The following PRIM2 variants were observed in gnomAD, a reference collection of about 807,000 sequenced individuals.
PRIM2 encodes DNA primase large subunit.
Under a neutral mutation model 67.3 loss-of-function variants are expected in PRIM2, and 39 were observed. That is an observed-to-expected ratio of 0.58 (90% CI 0.45 to 0.76). The LOEUF is 0.76. Ranked by LOEUF, PRIM2 falls within the 30% of genes least tolerant of loss-of-function variation. The probability of loss-of-function intolerance (pLI) is 0.00; values close to 1 mark genes in which losing one functional copy is unlikely to be tolerated. For synonymous variants in PRIM2, 143 were observed against 198.7 expected (o/e 0.72, Z 2.36); for missense variants, 398 against 598.7 (o/e 0.66, Z 3.50).
chr6:57,256,409 T>C, the PRIM2 span, among the ~76,000 whole-genome samples: 1 of 152,188 alleles, frequency 6.6e-6, no homozygotes, highest in Non-Finnish European at 1.5e-5. Context: ...TAAAAATACT[T>C]TAAATCATTG....
chr6:57,423,582 G>A (rs916543814), intron 7 of PRIM2, among the ~76,000 whole-genome samples: 1 of 152,196 alleles, frequency 6.6e-6, no homozygotes, highest in Non-Finnish European at 1.5e-5. Context: ...AATGTTAGTA[G>A]TTGCTAGGTA....
chr6:57,451,488 G>A (rs1015254137), intron 7 of PRIM2, among the ~76,000 whole-genome samples: 1 of 152,058 alleles, frequency 6.6e-6, no homozygotes, highest in Non-Finnish European at 1.5e-5. Flanking sequence ...ATCTTTATTC[G>A]ATAATTGGAT....
upstream of PRIM2, among the ~76,000 whole-genome samples, chr6:57,312,899 T>A (rs2127263227): frequency 6.6e-6 from 1 of 152,312 alleles, no homozygotes; most frequent in Admixed American, 6.5e-5. Flanking sequence ...ACATTTTTCC[T>A]CCCTATAGAC....
At chr6:57,434,888 A>G (rs1374968129) in intron 7 of PRIM2, 1 of 150,398 alleles carries the variant, frequency 6.6e-6, no homozygotes, top group East Asian at 2.0e-4. Context: ...TGATCCTCCC[A>G]CCCCAGCCTC....
At chr6:57,237,426 C>T in the PRIM2 span, among the ~76,000 whole-genome samples, 3 of 152,114 alleles carry the variant, frequency 2.0e-5, no homozygotes, top group Non-Finnish European at 4.4e-5. Flanking sequence ...TTAATTAGAT[C>T]CCATTTTTCA....
chr6:57,576,821 A>C (rs1468224502), intron 10 of PRIM2, among the ~76,000 whole-genome samples: 1 of 151,246 alleles, frequency 6.6e-6, no homozygotes, highest in East Asian at 1.9e-4. Flanking sequence ...AAGACATCTG[A>C]AAATTCCCCT....
intron 10 of PRIM2, among the ~76,000 whole-genome samples, chr6:57,584,543 G>A (rs1776155346): frequency 2.0e-5 from 3 of 152,188 alleles, no homozygotes; most frequent in African/African-American, 7.2e-5. Flanking sequence ...GGAAATTTGA[G>A]AAAGAAATTC....
At chr6:57,503,727 G>T (rs1554347090) in intron 7 of PRIM2, among the ~76,000 whole-genome samples, 1 of 151,920 alleles carries the variant, frequency 6.6e-6, no homozygotes, top group Non-Finnish European at 1.5e-5. Context: ...CTGCACTCCA[G>T]CCTGGGTGAC....
At chr6:57,602,451 A>C (rs1363622630) in intron 11 of PRIM2, among the ~76,000 whole-genome samples, 1 of 152,180 alleles carries the variant, frequency 6.6e-6, no homozygotes, top group Admixed American at 6.5e-5. Context: ...GTCATATAAA[A>C]TCAGACTTTA....
At chr6:57,349,484 T>C (rs1161031397) in intron 5 of PRIM2, among the ~76,000 whole-genome samples, 1 of 150,734 alleles carries the variant, frequency 6.6e-6, no homozygotes, top group African/African-American at 2.4e-5. Context: ...TATATTTAGT[T>C]ATGGAATTCT....
At chr6:57,513,119 T>C (rs1774404626) in intron 8 of PRIM2, among the ~76,000 whole-genome samples, 1 of 151,632 alleles carries the variant, frequency 6.6e-6, no homozygotes, top group South Asian at 2.1e-4. Flanking sequence ...TGCATATGAT[T>C]AGATATGTAA....
the PRIM2 span, among the ~76,000 whole-genome samples, chr6:57,259,474 G>A: frequency 6.6e-6 from 1 of 152,152 alleles, no homozygotes; most frequent in African/African-American, 2.4e-5. Context: ...AAGTTACAAG[G>A]CTGAGACTAA....
chr6:57,319,000 A>G (rs541147408), intron 2 of PRIM2, among the ~76,000 whole-genome samples: 6 of 152,354 alleles, frequency 3.9e-5, no homozygotes, highest in African/African-American at 1.4e-4. Flanking sequence ...ACTTAGTCTT[A>G]TTAAATGAGC....
At chr6:57,562,333 T>G (rs1775649607) in intron 10 of PRIM2, among the ~76,000 whole-genome samples, 1 of 152,160 alleles carries the variant, frequency 6.6e-6, no homozygotes, top group African/African-American at 2.4e-5. Context: ...ACCTTCAATA[T>G]GTAAAAAATG....
At chr6:57,576,024 C>T (rs1775958534) in intron 10 of PRIM2, among the ~76,000 whole-genome samples, 1 of 152,058 alleles carries the variant, frequency 6.6e-6, no homozygotes, top group African/African-American at 2.4e-5. Flanking sequence ...GTGATCCACC[C>T]ACCTCAGCCT....
intron 7 of PRIM2, among the ~76,000 whole-genome samples, chr6:57,407,740 GAGGTCAAGA>G (rs1770941806): frequency 6.6e-6 from 1 of 152,142 alleles, no homozygotes; most frequent in Non-Finnish European, 1.5e-5. Context: ...TCATTCTTTT[GAGGTCAAGA>G]GCCTCTGAAC....
At chr6:57,237,512 T>C in the PRIM2 span, among the ~76,000 whole-genome samples, 1 of 152,204 alleles carries the variant, frequency 6.6e-6, no homozygotes, top group African/African-American at 2.4e-5. Context: ...CTGAATGGTA[T>C]TGCCTAGGTT....
the PRIM2 span, among the ~76,000 whole-genome samples, chr6:57,286,198 A>C: frequency 6.6e-6 from 1 of 152,196 alleles, no homozygotes; most frequent in Admixed American, 6.5e-5. Flanking sequence ...TAATTTATAG[A>C]TTCAATGCTA....
chr6:57,330,986 G>T lies in PRIM2; in HGVS notation c.459+4941G>T, dbSNP rs184282077. Among the ~76,000 whole-genome samples, 7 of 151,928 alleles carry T rather than the reference G, an allele frequency of 4.6e-5. No homozygotes were observed. The East Asian group carries it at 1.4e-3, about 29-fold the overall frequency. ...TCACAAGGTCAGGAGTTTGAGACCG[G>T]CCTGACCAACATAGTGAAACCCCGT... On this transcript the variant is annotated intron_variant, in intron 5 of 13. Coordinates refer to ENST00000615550, the MANE Select transcript of PRIM2 (RefSeq NM_000947.5).
Sources: gnomAD v4.1 joint callset for allele counts (sites outside exome capture counted in the v4.1 genomes callset) on GRCh38, gnomAD v4.1.1 for gene constraint, MANE v1.5 for transcripts, NCBI Gene and HGNC (gene_info 2026-07-23, HGNC 2026-07-21) for gene names.